PCDHGB5: variants seen among roughly 807,000 people sequenced by gnomAD.
The protein encoded by PCDHGB5 is protocadherin gamma subfamily B, 5, also known as protocadherin gamma-B5.
A neutral mutation model predicts 62.9 loss-of-function variants in PCDHGB5; 48 were observed. That is an observed-to-expected ratio of 0.76 (90% CI 0.61 to 0.97). PCDHGB5 has a LOEUF of 0.97. Among genes scored for constraint, PCDHGB5 ranks in the 50% least tolerant of loss-of-function variants. The pLI is 0.00. For missense variants in PCDHGB5, 1,118 were observed against 1,198.6 expected (o/e 0.93, Z 0.99); for synonymous variants, 474 against 511.2 (o/e 0.93, Z 0.98).
At chr5:141,417,859 G>T (rs925593025) in intron 1 of PCDHGB5, 10 of 1,548,090 alleles carry the variant, frequency 6.5e-6, no homozygotes, top group African/African-American at 2.7e-5. Context: ...CCGAGCGAAC[G>T]ATGGGAGGGA....
chr5:141,481,434 A>C (rs1374254063), intron 1 of PCDHGB5, among the ~76,000 whole-genome samples: 1 of 152,256 alleles, frequency 6.6e-6, no homozygotes, highest in East Asian at 1.9e-4. Context: ...TGATTGTATC[A>C]GTTTAGTACA....
At chr5:141,409,039 C>A (rs2095214342) in intron 1 of PCDHGB5, 1 of 1,614,004 alleles carries the variant, frequency 6.2e-7, no homozygotes, top group Non-Finnish European at 8.5e-7. Flanking sequence ...AGATAAACTA[C>A]TACTTCCGAA....
chr5:141,506,459 A>G (rs1159808052), intron 3 of PCDHGB5, among the ~76,000 whole-genome samples: 4 of 151,918 alleles, frequency 2.6e-5, no homozygotes, highest in Non-Finnish European at 4.4e-5. Context: ...AAAAAAAAAA[A>G]AAAAAAGAGC....
intron 1 of PCDHGB5, chr5:141,423,051 C>T (rs200022455): frequency 1.7e-5 from 28 of 1,614,084 alleles, no homozygotes; most frequent in Non-Finnish European, 2.3e-5. Context: ...TGTCCTATCG[C>T]CTGCTTAAGG....
chr5:141,427,928 G>A (rs1178662640), intron 1 of PCDHGB5: 2 of 1,583,504 alleles, frequency 1.3e-6, no homozygotes. Flanking sequence ...GCCGGCGCAT[G>A]TTGGTGGGCG....
intron 1 of PCDHGB5, chr5:141,422,190 A>G (rs761351024): frequency 6.4e-7 from 1 of 1,561,412 alleles, no homozygotes. Flanking sequence ...TGGAAATTCA[A>G]GGCCAAGATG....
rs139344941 is a variant in PCDHGB5, at chr5:141,480,950, C to T, written c.2398-13857C>T. Among the ~76,000 whole-genome samples the T allele has an allele frequency of 6.7e-3, 1,016 of 152,086 alleles. 11 individuals carry two copies. Among genetic ancestry groups the T allele is most frequent in the African/African-American group, 0.023 (953 of 41,456 alleles). On this transcript the variant is annotated intron_variant, in intron 1 of 3. Transcript: ENST00000617380. ...GTCCCAGCTACTCTAGAGGCTGAGG[C>T]GGAAGCATCAGTGAGGGAGAATCAG...
intron 2 of PCDHGB5, among the ~76,000 whole-genome samples, chr5:141,502,947 G>A (rs933409229): frequency 3.0e-4 from 45 of 151,030 alleles, no homozygotes; most frequent in Admixed American, 1.8e-3. Context: ...GGGTTCAAGC[G>A]ATTCTCCTGC....
chr5:141,494,899 C>T, intron 2 of PCDHGB5, 34 bp downstream of exon 2: 1 of 1,614,116 alleles, frequency 6.2e-7, no homozygotes, highest in Non-Finnish European at 8.5e-7. Context: ...ACCCTCTTCT[C>T]TGCGGCATTT....
At chr5:141,412,987 A>T (rs192699644) in intron 1 of PCDHGB5, 1 of 564,522 alleles carries the variant, frequency 1.8e-6, no homozygotes, top group African/African-American at 1.9e-5. Flanking sequence ...GCCAGAGCTC[A>T]ATCCGGATTC....
chr5:141,404,973 A>T, intron 1 of PCDHGB5: 1 of 1,613,952 alleles, frequency 6.2e-7, no homozygotes, highest in South Asian at 1.1e-5. Flanking sequence ...ATCCTGGCTG[A>T]CCTGGGCAGT....
rs1491285973 is a variant in PCDHGB5, at chr5:141,415,739, GGT to G, written c.2397+15216_2397+15217del. 5.5e-5 allele frequency: 24 copies of G among 435,136 alleles called. No individual in the cohort carries two copies. The African/African-American group carries it at 7.2e-4, about 13-fold the overall frequency. 27.0% of individuals were successfully genotyped at this position (435,136 alleles called of 1,614,324 possible). A position where few individuals can be genotyped will look rare whatever the true frequency, so the allele number is the denominator to read the frequency against. On this transcript the variant is annotated intron_variant, in intron 1 of 3. Transcript: ENST00000617380. Reference sequence around the variant, plus strand: ...ATGAGTAGAATTTGATGTTTATTAAGGTTTTTTTTTTTTTTTTTTTTTTTTTT... The same window carrying G: ...ATGAGTAGAATTTGATGTTTATTAAGTTTTTTTTTTTTTTTTTTTTTTTTT...
At position 141,440,639 on chromosome 5, in the gene PCDHGB5, T is replaced by C. The variant is rs2098191350; in HGVS notation, c.2397+40115T>C. On this transcript the variant is annotated intron_variant, in intron 1 of 3. Coordinates refer to ENST00000617380, the MANE Select transcript of PCDHGB5 (RefSeq NM_018925.3). ...GATCCTGATGTTGAGAGAAATTCCT[T>C]ACAAAATTATCACCTTAGCAGCAAC... 2 of 152,192 alleles carry C rather than the reference T, an allele frequency of 1.3e-5. 1 individual carries two copies. The highest frequency in any genetic ancestry group is 4.8e-5 in the African/African-American group (2 of 41,440). The allele number at this position is 152,192 out of a possible 1,614,324, so 9.4% of individuals were successfully genotyped here.
In PCDHGB5 at chr5:141,431,932, C is replaced by A; in HGVS notation, c.2397+31408C>A. 1 of 1,614,172 alleles carries A rather than the reference C, an allele frequency of 6.2e-7. No homozygotes were observed. Among genetic ancestry groups the A allele is most frequent in the Non-Finnish European group, 8.5e-7 (1 of 1,180,002 alleles). The stretch of plus-strand genomic sequence containing the variant: ...TCTGTTTCATCCAAGGAAATCTGCC[C>A]TTTAAATTAGAAAAATCTTACGGAA... On this transcript the variant is annotated intron_variant, in intron 1 of 3. Transcript: ENST00000617380. The surrounding 1 kb of genome is among the most constrained non-coding windows in gnomAD (Gnocchi z 4.8).
At chr5:141,507,842 C>CT (rs2099864170) in intron 3 of PCDHGB5, among the ~76,000 whole-genome samples, 1 of 152,230 alleles carries the variant, frequency 6.6e-6, no homozygotes, top group Admixed American at 6.5e-5. Flanking sequence ...GGGTCAGGCC[C>CT]TGCTCTCACT....
intron 1 of PCDHGB5, chr5:141,409,281 C>A (rs1238898498): frequency 6.2e-7 from 1 of 1,613,874 alleles, no homozygotes; most frequent in Non-Finnish European, 8.5e-7. Flanking sequence ...TTGGAGAATT[C>A]ACCTCCAGGA....
Position 141,398,325 on chromosome 5 carries a change from G to A in PCDHGB5, c.198G>A (p.Leu66=). The A allele has an allele frequency of 6.6e-6, 9 of 1,355,732 alleles. No homozygotes were observed. The highest frequency in any genetic ancestry group is 8.2e-6 in the Non-Finnish European group (8 of 979,858). 84.0% of individuals were successfully genotyped at this position (1,355,732 alleles called of 1,614,324 possible). ...FSVQELPTRK[L]RVSSEKPYFT... ...TCCAGGAGTTACCGACTCGAAAACT[G>A]CGCGTCAGTTCGGAGAAGCCTTACT... Residue 66 remains leucine, a synonymous_variant, in exon 1 of 4, where the codon CTG becomes CTA. Transcript: ENST00000617380.
intron 1 of PCDHGB5, chr5:141,404,234 G>A (rs2094500908): frequency 6.2e-7 from 1 of 1,613,770 alleles, no homozygotes; most frequent in African/African-American, 1.3e-5. Context: ...AACAGACAGA[G>A]GAACTCCGCC....
chr5:141,471,017 A>G (rs989277146), intron 1 of PCDHGB5, among the ~76,000 whole-genome samples: 3 of 143,850 alleles, frequency 2.1e-5, no homozygotes, highest in African/African-American at 7.8e-5. Context: ...GTGCCTGGTC[A>G]ATCATTTTTA....
Sources: gnomAD v4.1 joint callset for allele counts (sites outside exome capture counted in the v4.1 genomes callset) on GRCh38, gnomAD v4.1.1 for gene constraint, Gnocchi (gnomAD v3.1) non-coding constraint, MANE v1.5 for transcripts, NCBI Gene and HGNC (gene_info 2026-07-23, HGNC 2026-07-21) for gene names.